The following XKR4 variants were observed in gnomAD, a reference collection of about 807,000 sequenced individuals.
XKR4 encodes the protein XK-related protein 4.
In XKR4, 12 loss-of-function variants were observed where a neutral mutation model predicts 53.9. That is an observed-to-expected ratio of 0.22 (90% CI 0.14 to 0.36). XKR4 has a LOEUF of 0.36. XKR4 is among the 10% of genes least tolerant of loss of function. The probability of loss-of-function intolerance (pLI) is 1.00; values close to 1 mark genes in which losing one functional copy is unlikely to be tolerated. For missense variants in XKR4, 799 were observed against 859.5 expected (o/e 0.93, Z 0.88); for synonymous variants, 354 against 362.4 (o/e 0.98, Z 0.26).
intron 1 of XKR4, among the ~76,000 whole-genome samples, chr8:55,315,287 G>A (rs571387131): frequency 2.6e-5 from 4 of 152,204 alleles, no homozygotes; most frequent in African/African-American, 4.8e-5. Context: ...TCAGGTGTTC[G>A]GAGTCCAGCG....
At chr8:55,506,899 C>T (rs952715187) in intron 2 of XKR4, among the ~76,000 whole-genome samples, 2 of 152,212 alleles carry the variant, frequency 1.3e-5, no homozygotes, top group African/African-American at 4.8e-5. Flanking sequence ...TTACTACTTT[C>T]TTTTATCCAA....
intron 1 of XKR4, among the ~76,000 whole-genome samples, chr8:55,159,608 G>C (rs1275985867): frequency 6.6e-6 from 1 of 152,194 alleles, no homozygotes; most frequent in Non-Finnish European, 1.5e-5. Flanking sequence ...ACGTGAGTAA[G>C]TGAGAACATG....
intron 2 of XKR4, chr8:55,451,695 G>A: frequency 7.0e-7 from 1 of 1,432,782 alleles, no homozygotes; most frequent in Non-Finnish European, 9.7e-7. Context: ...GGTACCTGCG[G>A]TAGATGGCAT....
intron 1 of XKR4, among the ~76,000 whole-genome samples, chr8:55,299,568 G>C (rs530525150): frequency 1.3e-5 from 2 of 152,320 alleles, no homozygotes; most frequent in East Asian, 1.9e-4. Flanking sequence ...GAGCACAGCA[G>C]AGTGAGTAAG....
At chr8:55,126,359 T>C (rs1334150587) in intron 1 of XKR4, among the ~76,000 whole-genome samples, 2 of 152,238 alleles carry the variant, frequency 1.3e-5, no homozygotes, top group Non-Finnish European at 2.9e-5. Flanking sequence ...ATAGCTCCAG[T>C]AGAGCTGCTG....
intron 1 of XKR4, among the ~76,000 whole-genome samples, chr8:55,121,816 C>A (rs192297315): frequency 7.1e-6 from 1 of 140,358 alleles, no homozygotes; most frequent in African/African-American, 2.7e-5. Flanking sequence ...AAAAAAGGCA[C>A]GGCACAAATA....
chr8:55,284,892 G>T (rs905523234), intron 1 of XKR4, among the ~76,000 whole-genome samples: 10 of 152,228 alleles, frequency 6.6e-5, no homozygotes, highest in African/African-American at 1.9e-4. Context: ...CATGAGGGAG[G>T]CCTGTTGGTT....
chr8:55,233,174 G>C (rs551558056), intron 1 of XKR4, among the ~76,000 whole-genome samples: 1 of 152,316 alleles, frequency 6.6e-6, no homozygotes, highest in South Asian at 2.1e-4. Context: ...CTGCCTCACA[G>C]AAATCCAGGG....
chr8:55,132,881 C>T (rs1480839472), intron 1 of XKR4, among the ~76,000 whole-genome samples: 1 of 151,914 alleles, frequency 6.6e-6, no homozygotes, highest in African/African-American at 2.4e-5. Context: ...CTGTGCTCAG[C>T]TCCCTGTGCC....
chr8:55,213,800 C>T (rs1007843433), intron 1 of XKR4, among the ~76,000 whole-genome samples: 1 of 149,952 alleles, frequency 6.7e-6, no homozygotes, highest in African/African-American at 2.5e-5. Context: ...TTTGCAAAGG[C>T]AGTTTCAATA....
At chr8:55,426,401 A>G (rs1460509068) in intron 2 of XKR4, among the ~76,000 whole-genome samples, 1 of 151,860 alleles carries the variant, frequency 6.6e-6, no homozygotes, top group East Asian at 1.9e-4. Flanking sequence ...TCACACATAC[A>G]CACACACACA....
intron 2 of XKR4, among the ~76,000 whole-genome samples, chr8:55,471,229 C>T (rs1359145792): frequency 6.6e-6 from 1 of 152,032 alleles, no homozygotes; most frequent in Non-Finnish European, 1.5e-5. Context: ...TCAGGCAGTA[C>T]AGGTAGACAG....
chr8:55,187,065 G>A (rs1817388617), intron 1 of XKR4, among the ~76,000 whole-genome samples: 1 of 151,894 alleles, frequency 6.6e-6, no homozygotes, highest in African/African-American at 2.4e-5. Context: ...ATGTGTATCT[G>A]TCATGCACAG....
intron 2 of XKR4, among the ~76,000 whole-genome samples, chr8:55,515,824 G>T (rs1037605568): frequency 2.3e-4 from 35 of 152,176 alleles, no homozygotes; most frequent in African/African-American, 8.2e-4. Flanking sequence ...TAAAGAGGGG[G>T]CAAGAGTTAA....
intron 1 of XKR4, among the ~76,000 whole-genome samples, chr8:55,333,137 T>C (rs1803404948): frequency 6.6e-6 from 1 of 152,174 alleles, no homozygotes; most frequent in Non-Finnish European, 1.5e-5. Flanking sequence ...TTTTTCTTTT[T>C]AGTTCTTTGT....
At chr8:55,358,379 T>C (rs758619265) in intron 2 of XKR4, among the ~76,000 whole-genome samples, 18 of 150,900 alleles carry the variant, frequency 1.2e-4, no homozygotes, top group Non-Finnish European at 2.4e-4. Context: ...ATTACCCTAA[T>C]ATTTAAAGAA....
At chr8:55,451,103 T>C (rs1563353585) in intron 2 of XKR4, 5 of 515,606 alleles carry the variant, frequency 9.7e-6, no homozygotes, top group Non-Finnish European at 1.7e-5. Context: ...TGAGCTGGCC[T>C]TTGTCCCCGA....
chr8:55,195,910 C>T (rs11985864), intron 1 of XKR4, among the ~76,000 whole-genome samples: 14,134 of 152,172 alleles, frequency 0.093, 1,724 homozygotes, highest in African/African-American at 0.28. Context: ...ATCAGTCTCT[C>T]ACCAGATGGC....
At chr8:55,212,324 C>T (rs1016008303) in intron 1 of XKR4, among the ~76,000 whole-genome samples, 4 of 152,056 alleles carry the variant, frequency 2.6e-5, no homozygotes, top group African/African-American at 7.2e-5. Context: ...TAGATTTTCC[C>T]CACAGGAGAT....
Sources: gnomAD v4.1 joint callset for allele counts (sites outside exome capture counted in the v4.1 genomes callset) on GRCh38, gnomAD v4.1.1 for gene constraint, MANE v1.5 for transcripts, NCBI Gene and HGNC (gene_info 2026-07-23, HGNC 2026-07-21) for gene names.